GOLGA4: variants seen among roughly 807,000 people sequenced by gnomAD.
The protein encoded by GOLGA4 is golgin A4, also known as golgin subfamily A member 4.
Under a neutral mutation model 265.9 loss-of-function variants are expected in GOLGA4, and 169 were observed. That is an observed-to-expected ratio of 0.64 (90% CI 0.56 to 0.72). The LOEUF (loss-of-function observed/expected upper bound fraction) is 0.72, where lower values mean the gene tolerates loss of function less well. Among genes scored for constraint, GOLGA4 ranks in the 30% least tolerant of loss-of-function variants. The pLI, the probability that GOLGA4 is intolerant of heterozygous loss-of-function variation, is 0.00. For synonymous variants in GOLGA4, 923 were observed against 855.8 expected, an observed-to-expected ratio of 1.08 and a Z score of -1.37; for missense variants, 2,482 against 2,483.4, an observed-to-expected ratio of 1.00 and a Z score of 0.01.
rs751144076 is a variant in GOLGA4 at position 37,302,344 on chromosome 3, AG to A, written c.1234+15del. On this transcript the variant is annotated intron_variant, in intron 10 of 23. Coordinates refer to ENST00000361924, the MANE Select transcript of GOLGA4 (RefSeq NM_002078.5). ...GTCCGAAAGAGCTGGTAAGAACTTG[AG>A]GGTTACTTGTTTTATGTTGGAACTC... The A allele has an allele frequency of 6.2e-7, 1 of 1,606,472 alleles. No individual in the cohort carries two copies. Among genetic ancestry groups the A allele is most frequent in the Admixed American group, 1.7e-5 (1 of 58,286 alleles).
chr3:37,337,788 CT>C (rs1410188097), intron 19 of GOLGA4, 54 bp downstream of exon 19: 1 of 1,121,210 alleles, frequency 8.9e-7, no homozygotes, highest in Non-Finnish European at 1.4e-6. Flanking sequence ...TTAATATGTA[CT>C]TGGATCTCAG....
chr3:37,335,024 CTTTT>C, intron 16 of GOLGA4, 25 bp from the exon 17 acceptor site: 1 of 1,356,558 alleles, frequency 7.4e-7, no homozygotes. Context: ...TTTTCTTTTC[CTTTT>C]TTTCTTTTTT....
chr3:37,259,884 T>G (rs560279064), intron 2 of GOLGA4, among the ~76,000 whole-genome samples: 1 of 152,320 alleles, frequency 6.6e-6, no homozygotes, highest in South Asian at 2.1e-4. Flanking sequence ...GTTTAAAGGC[T>G]TTCTATGTAG....
intron 19 of GOLGA4, among the ~76,000 whole-genome samples, chr3:37,339,862 C>CA: frequency 1.3e-5 from 2 of 152,166 alleles, no homozygotes; most frequent in South Asian, 4.1e-4. Flanking sequence ...TGTTGATGTA[C>CA]AAAAGTTTCT....
intron 2 of GOLGA4, 141 bp downstream of exon 2, chr3:37,251,625 C>CTTT (rs112817114): frequency 4.8e-4 from 229 of 476,782 alleles, no homozygotes; most frequent in Middle Eastern, 1.1e-3. Flanking sequence ...CACAATTGGT[C>CTTT]TTTTTTTTTT....
At position 37,251,494 on chromosome 3, in the gene GOLGA4, G is replaced by A. The variant is rs957404648; in HGVS notation, c.162+10G>A. The A allele has an allele frequency of 5.9e-6, 9 of 1,521,366 alleles. No individual in the cohort carries two copies. The highest frequency in any genetic ancestry group is 8.2e-6 in the Non-Finnish European group (9 of 1,095,890). 94.2% of individuals were successfully genotyped at this position (1,521,366 alleles called of 1,614,324 possible). On this transcript the variant is annotated intron_variant, in intron 2 of 23. Coordinates refer to ENST00000361924, the MANE Select transcript of GOLGA4 (RefSeq NM_002078.5). ...TACACCCAATAGAGAGGTAAGTTTG[G>A]AATTCCTTTTCTAGTATACCTCTCA...
chr3:37,286,985 A>G (rs2096851233), intron 4 of GOLGA4, among the ~76,000 whole-genome samples: 1 of 152,232 alleles, frequency 6.6e-6, no homozygotes, highest in Non-Finnish European at 1.5e-5. Context: ...GTGATAATTC[A>G]GAGCTAAGGA....
chr3:37,290,047 T>G (rs1005171716), intron 5 of GOLGA4, among the ~76,000 whole-genome samples: 3 of 152,222 alleles, frequency 2.0e-5, no homozygotes, highest in Non-Finnish European at 2.9e-5. Context: ...AATAGGTAGC[T>G]TTAGGACAAA....
chr3:37,245,714 T>C (rs1318961472), intron 1 of GOLGA4, among the ~76,000 whole-genome samples: 2 of 152,088 alleles, frequency 1.3e-5, no homozygotes, highest in African/African-American at 4.8e-5. Flanking sequence ...AAAATCACTT[T>C]GTGTACGAAA....
intron 2 of GOLGA4, chr3:37,273,644 A>T (rs1024899460): frequency 1.6e-5 from 16 of 996,322 alleles, no homozygotes; most frequent in South Asian, 1.4e-5. Flanking sequence ...AAGTCATTTC[A>T]GAGTGTTGGT....
intron 2 of GOLGA4, among the ~76,000 whole-genome samples, chr3:37,256,629 A>G (rs2096749492): frequency 6.6e-6 from 1 of 151,900 alleles, no homozygotes; most frequent in Non-Finnish European, 1.5e-5. Flanking sequence ...TGATCATAGC[A>G]CTCTCTCCTG....
intron 12 of GOLGA4, chr3:37,319,604 G>T (rs1478547804): frequency 1.3e-5 from 2 of 152,578 alleles, no homozygotes; most frequent in Non-Finnish European, 2.9e-5. Flanking sequence ...TTTTAGTAGA[G>T]ATGGGGTTTC....
chr3:37,326,397 A>G lies in GOLGA4; in HGVS notation c.4511A>G (p.Asp1504Gly), dbSNP rs762691883. The G allele has an allele frequency of 3.5e-5, 56 of 1,613,332 alleles. No homozygotes were observed. The Admixed American group carries it at 9.2e-4, about 26-fold the overall frequency. ...RFDCLKGEME[D>G]DKSKMEKKES... ...GATTGTTTAAAGGGTGAAATGGAAG[A>G]CGACAAGAGCAAGATGGAGAAAAAG... Residue 1504 changes from aspartate to glycine, a missense_variant, in exon 14 of 24, where the codon GAC becomes GGC. Physicochemically the swap from Asp to Gly is moderately conservative, Grantham distance 94. Transcript: ENST00000361924.
chr3:37,351,464 T>C (rs2097074298), intron 21 of GOLGA4, among the ~76,000 whole-genome samples: 1 of 152,168 alleles, frequency 6.6e-6, no homozygotes, highest in African/African-American at 2.4e-5. Flanking sequence ...ATTACCAATG[T>C]TCTTAGTGGC....
chr3:37,254,449 TTTG>T lies in GOLGA4; in HGVS notation c.162+2968_162+2970del, dbSNP rs950055160. Among the ~76,000 whole-genome samples, 259 of 152,210 alleles carry T rather than the reference TTTG, an allele frequency of 1.7e-3. 4 individuals are homozygous for T. The highest frequency in any genetic ancestry group is 5.6e-3 in the African/African-American group (234 of 41,518). ...CAACATCTAAATAAAGGTTTTTTTGTTTGTTTTTTGTTTTTTTAATTGTTTTGT... is the reference window on the plus strand; with the variant it reads ...CAACATCTAAATAAAGGTTTTTTTGTTTTTTTGTTTTTTTAATTGTTTTGT... On this transcript the variant is annotated intron_variant, in intron 2 of 23. Transcript: ENST00000361924.
In GOLGA4 at chr3:37,325,996, C is replaced by A. The variant is rs2096969543; in HGVS notation, c.4110C>A (p.Ser1370Arg). The A allele has an allele frequency of 1.2e-6, 2 of 1,612,698 alleles. No individual in the cohort carries two copies. The highest frequency in any genetic ancestry group is 2.7e-5 in the African/African-American group (2 of 74,864). ...EELKEKKVEI[S>R]SLSKQLTDLN... Reference sequence around the variant, plus strand: ...TTAAAGAAAAAAAAGTTGAGATTAGCAGTCTTAGTAAACAACTAACTGATT... The same window carrying A: ...TTAAAGAAAAAAAAGTTGAGATTAGAAGTCTTAGTAAACAACTAACTGATT... The change falls in exon 14 of 24, where the codon AGC becomes AGA. Residue 1370 changes from serine to arginine, a missense_variant. Physicochemically the swap from Ser to Arg is moderately radical, Grantham distance 110 (BLOSUM62 -1). Coordinates refer to ENST00000361924, the MANE Select transcript of GOLGA4 (RefSeq NM_002078.5).
At chr3:37,341,518 G>A (rs1559458189) in intron 20 of GOLGA4, 1 of 152,112 alleles carries the variant, frequency 6.6e-6, no homozygotes, top group Admixed American at 6.5e-5. Context: ...TGTCCAAACT[G>A]GAGCTCCTCA....
intron 22 of GOLGA4, among the ~76,000 whole-genome samples, chr3:37,357,782 C>T (rs1578873702): frequency 2.0e-5 from 3 of 152,124 alleles, no homozygotes; most frequent in South Asian, 2.1e-4. Context: ...AGCTGTAGCT[C>T]GCTAGAACAA....
intron 10 of GOLGA4, among the ~76,000 whole-genome samples, chr3:37,304,301 A>G (rs963353360): frequency 6.6e-6 from 1 of 152,208 alleles, no homozygotes; most frequent in Non-Finnish European, 1.5e-5. Context: ...TAGACAGAGA[A>G]ATAGTTGACT....
Sources: allele counts gnomAD v4.1 joint callset (sites outside exome capture counted in the v4.1 genomes callset), GRCh38; gene constraint gnomAD v4.1.1; transcripts MANE v1.5; gene names NCBI Gene and HGNC (gene_info 2026-07-23, HGNC 2026-07-21).